The following CCSER1 variants were observed in gnomAD, a reference collection of about 807,000 sequenced individuals.
CCSER1 encodes serine-rich coiled-coil domain-containing protein 1.
A neutral mutation model predicts 82.0 loss-of-function variants in CCSER1; 41 were observed. The observed-to-expected ratio is 0.50, with a 90% confidence interval of 0.39 to 0.65. The LOEUF is 0.65. CCSER1 is among the 30% of genes least tolerant of loss of function. CCSER1 has a pLI of 0.00. For synonymous variants in CCSER1, 414 were observed against 383.9 expected (o/e 1.08, Z -0.92); for missense variants, 1,119 against 1,064.2 (o/e 1.05, Z -0.72).
At chr4:91,104,404 G>A (rs1725396367) in intron 10 of CCSER1, among the ~76,000 whole-genome samples, 1 of 152,142 alleles carries the variant, frequency 6.6e-6, no homozygotes, top group African/African-American at 2.4e-5. Flanking sequence ...ACCGATATGT[G>A]ATGTCACCCC....
At chr4:90,954,945 C>T (rs1733281105) in intron 9 of CCSER1, among the ~76,000 whole-genome samples, 1 of 152,160 alleles carries the variant, frequency 6.6e-6, no homozygotes, top group African/African-American at 2.4e-5. Context: ...GATCTTTCTG[C>T]CTGGAACTAT....
At chr4:90,257,228 TA>T (rs1164353521) in intron 1 of CCSER1, among the ~76,000 whole-genome samples, 31 of 151,574 alleles carry the variant, frequency 2.0e-4, no homozygotes, top group African/African-American at 6.8e-4. Context: ...TATATATATA[TA>T]GGTATATGTC....
chr4:90,130,518 A>C (rs1722637425), intron 1 of CCSER1, among the ~76,000 whole-genome samples: 2 of 152,308 alleles, frequency 1.3e-5, no homozygotes. Context: ...AAGAACATAT[A>C]AGGGAAGATA....
chr4:90,373,347 C>A (rs780605442), intron 3 of CCSER1, among the ~76,000 whole-genome samples: 1 of 152,050 alleles, frequency 6.6e-6, no homozygotes, highest in Non-Finnish European at 1.5e-5. Context: ...AAAAAATCAC[C>A]TTGATTTACA....
chr4:91,168,633 ATCT>A (rs1732422723), intron 10 of CCSER1, among the ~76,000 whole-genome samples: 1 of 146,550 alleles, frequency 6.8e-6, no homozygotes, highest in Non-Finnish European at 1.5e-5. Flanking sequence ...CCACCTGCCC[ATCT>A]TCTGGGAAGT....
intron 10 of CCSER1, among the ~76,000 whole-genome samples, chr4:91,160,791 T>C (rs1452464003): frequency 6.6e-6 from 1 of 152,190 alleles, no homozygotes; most frequent in Non-Finnish European, 1.5e-5. Flanking sequence ...CTTTGTAGAT[T>C]CTGGATATTA....
chr4:91,384,288 G>T (rs1751126051), intron 10 of CCSER1, among the ~76,000 whole-genome samples: 1 of 151,898 alleles, frequency 6.6e-6, no homozygotes, highest in East Asian at 1.9e-4. Flanking sequence ...AAAATGTATT[G>T]CAGATAAATA....
intron 7 of CCSER1, among the ~76,000 whole-genome samples, chr4:90,726,763 C>T (rs1437256478): frequency 6.6e-6 from 1 of 152,050 alleles, no homozygotes; most frequent in Non-Finnish European, 1.5e-5. Context: ...CCTTTCAAAA[C>T]TGAGGACATT....
At chr4:90,867,261 T>C (rs1271935921) in intron 8 of CCSER1, among the ~76,000 whole-genome samples, 1 of 152,010 alleles carries the variant, frequency 6.6e-6, no homozygotes, top group African/African-American at 2.4e-5. Context: ...TCAGGCACAG[T>C]ACACTCTTAA....
At chr4:90,488,380 G>T (rs1767458770) in intron 5 of CCSER1, among the ~76,000 whole-genome samples, 1 of 152,020 alleles carries the variant, frequency 6.6e-6, no homozygotes, top group Admixed American at 6.6e-5. Flanking sequence ...TAGAGATGGG[G>T]TTTCACCATG....
intron 10 of CCSER1, among the ~76,000 whole-genome samples, chr4:91,164,473 G>T (rs1467810068): frequency 6.6e-6 from 1 of 152,060 alleles, no homozygotes; most frequent in Non-Finnish European, 1.5e-5. Flanking sequence ...TTGAATGTTG[G>T]CCTACCTTGC....
At chr4:91,107,945 T>C (rs62312243) in intron 10 of CCSER1, 68,847 of 151,914 alleles carry the variant, frequency 0.45, 16,019 homozygotes, top group East Asian at 0.73. Flanking sequence ...GTAGACTCTA[T>C]CAGCTTTTCC....
intron 5 of CCSER1, among the ~76,000 whole-genome samples, chr4:90,621,866 C>T (rs1043758262): frequency 6.6e-6 from 1 of 152,174 alleles, no homozygotes; most frequent in East Asian, 1.9e-4. Context: ...CAGATCTTCT[C>T]CTTTATCTGC....
chr4:91,196,427 A>AGAAATT (rs560555459), intron 10 of CCSER1, among the ~76,000 whole-genome samples: 3 of 152,244 alleles, frequency 2.0e-5, no homozygotes, highest in Non-Finnish European at 4.4e-5. Context: ...CACAAGAGTC[A>AGAAATT]GAAATTGAAT....
chr4:90,257,593 A>G (rs1395148737), intron 1 of CCSER1, among the ~76,000 whole-genome samples: 1 of 151,938 alleles, frequency 6.6e-6, no homozygotes, highest in Non-Finnish European at 1.5e-5. Flanking sequence ...AGATACTTAG[A>G]TAGATAAAGA....
chr4:90,973,517 G>T (rs1438235743), intron 9 of CCSER1, among the ~76,000 whole-genome samples: 1 of 151,630 alleles, frequency 6.6e-6, no homozygotes, highest in Non-Finnish European at 1.5e-5. Flanking sequence ...CATGACAGGT[G>T]TTGAAGAAGT....
Position 90,309,236 on chromosome 4 carries a change from A to G in CCSER1, c.952A>G (p.Ile318Val), listed in dbSNP as rs368884423. 6.4e-5 allele frequency: 103 copies of G among 1,613,780 alleles called. 1 individual carries two copies. In the Admixed American group the frequency reaches 1.1e-3, roughly 18 times the overall value. Reference sequence around the variant, plus strand: ...ACTTACGGGAACTGTTCCCTGTGCAATTATGTCTCCTGGGAAATATAGGTT... The same window carrying G: ...ACTTACGGGAACTGTTCCCTGTGCAGTTATGTCTCCTGGGAAATATAGGTT... ...TELTGTVPCA[I>V]MSPGKYRLEG... Residue 318 changes from isoleucine (I) to valine (V), a missense_variant, in exon 2 of 11, where the codon ATT becomes GTT. Physicochemically the swap from Ile to Val is conservative, Grantham distance 29. Coordinates refer to ENST00000509176, the MANE Select transcript of CCSER1 (RefSeq NM_001145065.2).
At chr4:91,214,466 G>T (rs1315987106) in intron 10 of CCSER1, among the ~76,000 whole-genome samples, 1 of 152,016 alleles carries the variant, frequency 6.6e-6, no homozygotes, top group African/African-American at 2.4e-5. Context: ...TAACATATTA[G>T]TCTGTTATAT....
intron 1 of CCSER1, among the ~76,000 whole-genome samples, chr4:90,202,352 G>A (rs1377276626): frequency 2.6e-5 from 4 of 152,002 alleles, no homozygotes; most frequent in East Asian, 1.9e-4. Flanking sequence ...ACAGGCACCC[G>A]TCACCATGCC....
Sources: allele counts gnomAD v4.1 joint callset (sites outside exome capture counted in the v4.1 genomes callset), GRCh38; gene constraint gnomAD v4.1.1; transcripts MANE v1.5; gene names NCBI Gene and HGNC (gene_info 2026-07-23, HGNC 2026-07-21).